EHBP1: variants seen among roughly 807,000 people sequenced by gnomAD.
EHBP1 encodes the protein EH domain-binding protein 1.
A neutral mutation model predicts 144.0 loss-of-function variants in EHBP1; 55 were observed. That is an observed-to-expected ratio of 0.38 (90% CI 0.31 to 0.48). EHBP1 has a LOEUF of 0.48. EHBP1 is among the 20% of genes least tolerant of loss of function. The pLI is 0.98. For synonymous variants in EHBP1, 469 were observed against 472.7 expected, an observed-to-expected ratio of 0.99 and a Z score of 0.10; for missense variants, 1,200 against 1,364.2, an observed-to-expected ratio of 0.88 and a Z score of 1.90.
chr2:62,880,024 A>C (rs187675990), intron 10 of EHBP1, among the ~76,000 whole-genome samples: 1 of 152,278 alleles, frequency 6.6e-6, no homozygotes, highest in Admixed American at 6.5e-5. Flanking sequence ...CGCACAGACC[A>C]ATGGAACAGT....
At chr2:63,006,790 A>T (rs879420696) in intron 19 of EHBP1, among the ~76,000 whole-genome samples, 2 of 151,700 alleles carry the variant, frequency 1.3e-5, no homozygotes, top group African/African-American at 2.4e-5. Context: ...AGTTCAGTAC[A>T]TTTGTTAGTT....
intron 10 of EHBP1, among the ~76,000 whole-genome samples, chr2:62,894,165 C>CT (rs2052689738): frequency 6.6e-6 from 1 of 152,054 alleles, no homozygotes; most frequent in Admixed American, 6.5e-5. Flanking sequence ...GTCCTGCAAA[C>CT]TAGGAGTTGA....
At chr2:62,989,064 AAGTC>A (rs2059311491) in intron 15 of EHBP1, among the ~76,000 whole-genome samples, 1 of 152,132 alleles carries the variant, frequency 6.6e-6, no homozygotes, top group African/African-American at 2.4e-5. Flanking sequence ...TGCTAAATAG[AAGTC>A]AGTATACTTA....
chr2:62,861,233 G>A (rs891626349), intron 8 of EHBP1, among the ~76,000 whole-genome samples: 27 of 149,498 alleles, frequency 1.8e-4, no homozygotes, highest in Non-Finnish European at 5.9e-5. Context: ...GGGTTCAAGC[G>A]TTTCTCCTGC....
intron 10 of EHBP1, among the ~76,000 whole-genome samples, chr2:62,934,520 CT>C (rs2056232159): frequency 6.6e-6 from 1 of 152,156 alleles, no homozygotes; most frequent in South Asian, 2.1e-4. Flanking sequence ...GTTTACTTAA[CT>C]TTCAGGACAG....
chr2:63,028,623 C>T (rs985062681), intron 19 of EHBP1, among the ~76,000 whole-genome samples: 4 of 151,956 alleles, frequency 2.6e-5, no homozygotes, highest in Middle Eastern at 3.2e-3. Flanking sequence ...AGTAGTTGTC[C>T]GACTGCATGA....
intron 10 of EHBP1, among the ~76,000 whole-genome samples, chr2:62,929,201 T>A (rs964989151): frequency 6.6e-6 from 1 of 152,158 alleles, no homozygotes; most frequent in Non-Finnish European, 1.5e-5. Flanking sequence ...TTCCAAAACA[T>A]TGGAGAGGGA....
At chr2:62,882,799 T>C (rs866755931) in intron 10 of EHBP1, among the ~76,000 whole-genome samples, 2 of 152,004 alleles carry the variant, frequency 1.3e-5, no homozygotes, top group African/African-American at 4.8e-5. Flanking sequence ...GGAGAATTGC[T>C]TGAACCCAGG....
At chr2:62,857,856 T>C (rs993798006) in intron 7 of EHBP1, among the ~76,000 whole-genome samples, 3 of 151,902 alleles carry the variant, frequency 2.0e-5, no homozygotes, top group Non-Finnish European at 4.4e-5. Flanking sequence ...AAAGAACAGA[T>C]CCTATTAAAA....
intron 12 of EHBP1, 24 bp from the exon 13 acceptor site, chr2:62,948,236 C>G (rs951589611): frequency 6.6e-7 from 1 of 1,518,272 alleles, no homozygotes; most frequent in Non-Finnish European, 8.8e-7. Context: ...TTCAATATAT[C>G]TTTTGTTTTT....
chr2:62,857,974 A>T (rs1195918252), intron 7 of EHBP1, among the ~76,000 whole-genome samples: 1 of 152,158 alleles, frequency 6.6e-6, no homozygotes, highest in African/African-American at 2.4e-5. Context: ...CCATGCATTT[A>T]TATTCTTAAA....
In EHBP1 at chr2:63,045,276, G is replaced by T. The variant is rs748407807; in HGVS notation, c.3392+96G>T. The T allele has an allele frequency of 7.5e-5, 104 of 1,392,692 alleles. No homozygotes were observed. The highest frequency in any genetic ancestry group is 9.6e-5 in the Non-Finnish European group (96 of 1,004,756). 86.3% of individuals were successfully genotyped at this position (1,392,692 alleles called of 1,614,324 possible). On this transcript the variant is annotated intron_variant, in intron 22 of 22. Transcript: ENST00000431489. The surrounding 1 kb of genome is among the most constrained non-coding windows in gnomAD (Gnocchi z 5.7). ...AATCCAGAGGTCGCGGGAGGGCCGG[G>T]GCAGCCTCCCACTGGCCTGGTGCTC...
chr2:62,985,356 C>G (rs974893065), intron 15 of EHBP1, among the ~76,000 whole-genome samples: 1 of 152,144 alleles, frequency 6.6e-6, no homozygotes, highest in African/African-American at 2.4e-5. Flanking sequence ...TGACGCTGCT[C>G]TAACTTATAA....
At chr2:62,734,137 T>A (rs2152055295) in intron 2 of EHBP1, among the ~76,000 whole-genome samples, 1 of 152,302 alleles carries the variant, frequency 6.6e-6, no homozygotes. Context: ...GTGTCTTATA[T>A]TGCAAATAGT....
chr2:62,850,844 A>T (rs180783784), intron 7 of EHBP1, among the ~76,000 whole-genome samples: 100 of 152,324 alleles, frequency 6.6e-4, no homozygotes, highest in African/African-American at 2.2e-3. Context: ...ATTGGAAGAA[A>T]CAGACAAGTA....
intron 10 of EHBP1, among the ~76,000 whole-genome samples, chr2:62,889,158 G>A (rs1304577728): frequency 3.7e-5 from 5 of 135,786 alleles, no homozygotes; most frequent in African/African-American, 1.4e-4. Flanking sequence ...CTGCTTCCCA[G>A]GTTCAAGCAA....
At chr2:62,749,950 G>C (rs1263643532) in intron 3 of EHBP1, among the ~76,000 whole-genome samples, 1 of 152,086 alleles carries the variant, frequency 6.6e-6, no homozygotes, top group African/African-American at 2.4e-5. Flanking sequence ...TCACTCTCAT[G>C]GTGGTTTCTT....
chr2:63,011,270 G>T (rs1277989678), intron 19 of EHBP1, among the ~76,000 whole-genome samples: 1 of 151,468 alleles, frequency 6.6e-6, no homozygotes, highest in East Asian at 1.9e-4. Flanking sequence ...TACAATTGTT[G>T]GTCATTTGTG....
At chr2:62,730,615 C>CT (rs1037778193) in intron 2 of EHBP1, among the ~76,000 whole-genome samples, 8 of 149,148 alleles carry the variant, frequency 5.4e-5, no homozygotes, top group African/African-American at 7.4e-5. Flanking sequence ...ACATCTTTTT[C>CT]TTTTTTTTTA....
Sources: gnomAD v4.1 joint callset for allele counts (sites outside exome capture counted in the v4.1 genomes callset) on GRCh38, gnomAD v4.1.1 for gene constraint, Gnocchi (gnomAD v3.1) non-coding constraint, MANE v1.5 for transcripts, NCBI Gene and HGNC (gene_info 2026-07-23, HGNC 2026-07-21) for gene names.